The following KDELR3 variants were observed in gnomAD, a reference collection of about 807,000 sequenced individuals.
The protein encoded by KDELR3 is ER lumen protein-retaining receptor 3.
A neutral mutation model predicts 22.7 loss-of-function variants in KDELR3; 26 were observed. That is an observed-to-expected ratio of 1.15 (90% confidence interval 0.84 to 1.59). KDELR3 has a LOEUF of 1.59. Among genes scored for constraint, KDELR3 ranks in the 40% most tolerant of loss-of-function variants. KDELR3 has a pLI of 0.00. For missense variants in KDELR3, 289 were observed against 251.1 expected (o/e 1.15, Z -1.02); for synonymous variants, 120 against 98.2 (o/e 1.22, Z -1.31).
chr22:38,468,416 A>G (rs1221587477), intron 1 of KDELR3, 92 bp downstream of exon 1: 30 of 1,093,280 alleles, frequency 2.7e-5, no homozygotes, highest in Non-Finnish European at 4.0e-5. Context: ...GTGTCTGCTC[A>G]GGGTGGGGAC....
rs1183923390 is a variant in KDELR3 at position 38,479,775 on chromosome 22, G to A, written c.351+24G>A. On this transcript the variant is annotated intron_variant, in intron 3 of 4. Coordinates refer to ENST00000216014, the MANE Select transcript of KDELR3 (RefSeq NM_006855.4). The stretch of plus-strand genomic sequence containing the variant: ...AGGTAAGGGAATGGACTGAGTACCA[G>A]TTCTCAAAGGGAAATATGCTCCCTG... The A allele has an allele frequency of 3.1e-6, 5 of 1,611,684 alleles. No individual in the cohort carries two copies. The African/African-American group carries it at 6.7e-5, about 22-fold the overall frequency.
At chr22:38,473,422 C>G (rs1190733541) in intron 1 of KDELR3, among the ~76,000 whole-genome samples, 1 of 151,364 alleles carries the variant, frequency 6.6e-6, no homozygotes, top group Non-Finnish European at 1.5e-5. Context: ...GCCTGGGAGA[C>G]AGAGTAAGAC....
chr22:38,476,731 G>A (rs12157386), intron 2 of KDELR3, among the ~76,000 whole-genome samples: 4,647 of 151,108 alleles, frequency 0.031, 213 homozygotes, highest in African/African-American at 0.1. Context: ...TCACTATGTT[G>A]GCCAGGCTGG....
intron 2 of KDELR3, 65 bp from the exon 3 acceptor site, chr22:38,479,528 A>AGCGT: frequency 6.9e-7 from 1 of 1,451,474 alleles, no homozygotes; most frequent in Non-Finnish European, 9.6e-7. Flanking sequence ...GTAGGCTAGG[A>AGCGT]GCGTAGTAAA....
At chr22:38,479,859 G>A in intron 3 of KDELR3, 108 bp downstream of exon 3, 1 of 961,460 alleles carries the variant, frequency 1.0e-6, no homozygotes, top group Admixed American at 2.2e-5. Flanking sequence ...CATTACTCAT[G>A]TATCTTTCAG....
rs55884876 is a variant in KDELR3 at position 38,478,629 on chromosome 22, ATTTTTTTTTTTT to A, written c.193-945_193-934del. 6.9e-4 allele frequency among the ~76,000 whole-genome samples: 30 copies of A among 43,568 alleles called. 1 individual carries two copies. Among genetic ancestry groups the A allele is most frequent in the East Asian group, 2.5e-3 (3 of 1,220 alleles). The allele number at this position is 43,568 out of a possible 152,430, so 28.6% of individuals were successfully genotyped here. On this transcript the variant is annotated intron_variant, in intron 2 of 4. Transcript: ENST00000216014. The stretch of plus-strand genomic sequence containing the variant: ...GGCAAGGGAAGAGACAGCATCTGTG[ATTTTTTTTTTTT>A]TTTTTTTTTTTTTTTTTTGAGACAG...
chr22:38,481,745 G>A (rs2089603589), intron 4 of KDELR3: 1 of 1,008,090 alleles, frequency 9.9e-7, no homozygotes, highest in South Asian at 1.8e-5. Flanking sequence ...CAAGCCCCAA[G>A]GCAACCACCA....
At chr22:38,474,682 T>C (rs990241144) in intron 2 of KDELR3, 59 bp downstream of exon 2, 8 of 1,401,042 alleles carry the variant, frequency 5.7e-6, no homozygotes, top group Non-Finnish European at 8.1e-6. Context: ...AACTGTGAGG[T>C]AGCCTGCTTG....
intron 1 of KDELR3, among the ~76,000 whole-genome samples, chr22:38,472,549 C>T (rs1373180903): frequency 2.6e-5 from 4 of 152,008 alleles, no homozygotes; most frequent in Non-Finnish European, 4.4e-5. Context: ...AGCATGGATT[C>T]CGGGATGGAA....
chr22:38,481,634 A>G, intron 4 of KDELR3, 170 bp downstream of exon 4: 1 of 1,466,312 alleles, frequency 6.8e-7, no homozygotes, highest in Admixed American at 2.5e-5. Flanking sequence ...ATGCCATAAA[A>G]ACATGCAGGC....
chr22:38,477,714 T>C (rs2145967921), intron 2 of KDELR3, among the ~76,000 whole-genome samples: 1 of 152,328 alleles, frequency 6.6e-6, no homozygotes, highest in Middle Eastern at 3.4e-3. Context: ...TGTGAGGTGT[T>C]GAACTCATTC....
Position 38,482,583 on chromosome 22 carries a change from T to C in KDELR3, c.*47T>C. 6.7e-7 allele frequency: 1 copy of C among 1,491,526 alleles called. No homozygotes were observed. Among genetic ancestry groups the C allele is most frequent in the Non-Finnish European group, 9.3e-7 (1 of 1,072,572 alleles). 92.4% of individuals were successfully genotyped at this position (1,491,526 alleles called of 1,614,324 possible). ...GCCTTAACAAGCACATGAAGGAAAC[T>C]ATTTTGAATGTTCTCTTTGGCAACT... On this transcript the variant is annotated 3_prime_UTR_variant, in exon 5 of 5. Transcript: ENST00000216014.
chr22:38,472,294 C>T (rs956942181), intron 1 of KDELR3, among the ~76,000 whole-genome samples: 2 of 151,974 alleles, frequency 1.3e-5, no homozygotes, highest in Non-Finnish European at 2.9e-5. Context: ...CTGGCCAACA[C>T]GGTGAAAACC....
At chr22:38,482,008 T>G (rs940243113) in intron 4 of KDELR3, among the ~76,000 whole-genome samples, 1 of 152,146 alleles carries the variant, frequency 6.6e-6, no homozygotes, top group African/African-American at 2.4e-5. Flanking sequence ...GAGCCGCGGG[T>G]TGGACAAGCT....
intron 4 of KDELR3, among the ~76,000 whole-genome samples, chr22:38,481,952 G>A (rs915209573): frequency 6.6e-6 from 1 of 152,162 alleles, no homozygotes; most frequent in African/African-American, 2.4e-5. Flanking sequence ...CACTTCATAT[G>A]TTTTAAGAAA....
rs1299009867 is a variant in KDELR3 at position 38,482,653 on chromosome 22, G to C, written c.*117G>C. ...AATGTTAAAACCAGAAAAGTGTTTAGTGTGGATTTCAGCAAAACCTGATCA... is the reference window on the plus strand; with the variant it reads ...AATGTTAAAACCAGAAAAGTGTTTACTGTGGATTTCAGCAAAACCTGATCA... On this transcript the variant is annotated 3_prime_UTR_variant, in exon 5 of 5. Coordinates refer to ENST00000216014, the MANE Select transcript of KDELR3 (RefSeq NM_006855.4). 6.4e-6 allele frequency: 6 copies of C among 939,624 alleles called. No individual in the cohort carries two copies. The highest frequency in any genetic ancestry group is 8.4e-6 in the Non-Finnish European group (5 of 598,170). The allele number at this position is 939,624 out of a possible 1,614,324, so 58.2% of individuals were successfully genotyped here.
intron 3 of KDELR3, among the ~76,000 whole-genome samples, chr22:38,480,499 A>C (rs1555923287): frequency 6.6e-6 from 1 of 151,938 alleles, no homozygotes; most frequent in Non-Finnish European, 1.5e-5. Context: ...ACTATCATTT[A>C]AGTTATTTTT....
intron 2 of KDELR3, 136 bp from the exon 3 acceptor site, chr22:38,479,457 A>G (rs1329110184): frequency 1.3e-6 from 1 of 775,206 alleles, no homozygotes; most frequent in African/African-American, 1.7e-5. Context: ...CCCAAGATAA[A>G]TTGCAAACAC....
intron 4 of KDELR3, among the ~76,000 whole-genome samples, chr22:38,481,830 C>G (rs2089604655): frequency 6.6e-6 from 1 of 152,176 alleles, no homozygotes; most frequent in African/African-American, 2.4e-5. Flanking sequence ...AAGACCAGTT[C>G]ACATAGGGCA....
Sources: gnomAD v4.1 joint callset for allele counts (sites outside exome capture counted in the v4.1 genomes callset) on GRCh38, gnomAD v4.1.1 for gene constraint, MANE v1.5 for transcripts, NCBI Gene and HGNC (gene_info 2026-07-23, HGNC 2026-07-21) for gene names.